Variants in COL14A1 observed in about 807,000 individuals in gnomAD.
COL14A1 encodes the protein collagen alpha-1(XIV) chain.
In COL14A1, 136 loss-of-function variants were observed where a neutral mutation model predicts 230.3. The observed-to-expected ratio is 0.59, with a 90% CI of 0.51 to 0.68. The LOEUF (loss-of-function observed/expected upper bound fraction) is 0.68. Ranked by LOEUF, COL14A1 falls within the 30% of genes least tolerant of loss-of-function variation. The pLI is 0.00. For missense variants in COL14A1, 1,976 were observed against 2,215.8 expected, an observed-to-expected ratio of 0.89 and a Z score of 2.17; for synonymous variants, 792 against 784.1, an observed-to-expected ratio of 1.01 and a Z score of -0.17.
intron 1 of COL14A1, among the ~76,000 whole-genome samples, chr8:120,141,781 TTTGA>T (rs1274685046): frequency 6.6e-6 from 1 of 152,208 alleles, no homozygotes; most frequent in South Asian, 2.1e-4. Context: ...AGAAAGGCTA[TTTGA>T]TTGTGGCCTT....
In COL14A1 at chr8:120,255,292, G is replaced by A. The variant is rs772488148; in HGVS notation, c.2805G>A (p.Leu935=). The A allele has an allele frequency of 1.2e-6, 2 of 1,614,170 alleles. No homozygotes were observed. Residue 935 remains leucine (L), a synonymous_variant, in exon 23 of 48, where the codon TTG becomes TTA. Transcript: ENST00000297848. ...CCAAACATGTTGAAATGACCAGCTTGTGTGCCCACTGGCAGGTACATCGCC... is the reference window on the plus strand; with the variant it reads ...CCAAACATGTTGAAATGACCAGCTTATGTGCCCACTGGCAGGTACATCGCC... ...LQAKHVEMTS[L]CAHWQVHRHA...
At chr8:120,137,436 A>G (rs1166345052) in intron 1 of COL14A1, among the ~76,000 whole-genome samples, 1 of 151,958 alleles carries the variant, frequency 6.6e-6, no homozygotes, top group Non-Finnish European at 1.5e-5. Flanking sequence ...AATTTCTACT[A>G]ATGTTTTCTA....
chr8:120,226,046 G>A (rs1268810954), intron 15 of COL14A1, among the ~76,000 whole-genome samples: 1 of 150,598 alleles, frequency 6.6e-6, no homozygotes, highest in Non-Finnish European at 1.5e-5. Context: ...TCAATTCTTT[G>A]ATAATTTATT....
At chr8:120,165,979 C>A (rs1190213883) in intron 4 of COL14A1, among the ~76,000 whole-genome samples, 1 of 152,066 alleles carries the variant, frequency 6.6e-6, no homozygotes, top group African/African-American at 2.4e-5. Context: ...GCATGAGTTC[C>A]AGGAGGTCAC....
intron 1 of COL14A1, among the ~76,000 whole-genome samples, chr8:120,135,041 G>T (rs1488503856): frequency 2.0e-5 from 3 of 152,140 alleles, no homozygotes; most frequent in Non-Finnish European, 2.9e-5. Flanking sequence ...CCAAGGATAT[G>T]CTAGAGAGTT....
At chr8:120,332,024 G>A in intron 40 of COL14A1, 117 bp from the exon 41 acceptor site, 3 of 830,026 alleles carry the variant, frequency 3.6e-6, no homozygotes, top group Non-Finnish European at 6.1e-6. Context: ...TGAATCCTTG[G>A]TAGTCCAGAG....
intron 37 of COL14A1, among the ~76,000 whole-genome samples, chr8:120,311,676 G>A (rs910784935): frequency 1.3e-5 from 2 of 152,152 alleles, no homozygotes; most frequent in African/African-American, 4.8e-5. Flanking sequence ...TACAGAATAA[G>A]AATTTGGAAG....
chr8:120,231,884 C>A (rs948783406), intron 19 of COL14A1: 34 of 339,286 alleles, frequency 1.0e-4, no homozygotes, highest in South Asian at 9.7e-4. Context: ...CTGCCTTGCA[C>A]CTGTTCGAGC....
chr8:120,152,868 G>T (rs1815336198), intron 2 of COL14A1, among the ~76,000 whole-genome samples: 1 of 152,116 alleles, frequency 6.6e-6, no homozygotes, highest in African/African-American at 2.4e-5. Flanking sequence ...TAAAAACCTC[G>T]ACGCATAGAA....
chr8:120,195,258 G>C (rs1265095600), intron 5 of COL14A1, among the ~76,000 whole-genome samples: 3 of 151,786 alleles, frequency 2.0e-5, no homozygotes, highest in Non-Finnish European at 2.9e-5. Context: ...TTTTTTTTAA[G>C]TAAAAGCATA....
At chr8:120,150,085 T>C (rs991668544) in intron 2 of COL14A1, among the ~76,000 whole-genome samples, 2 of 152,222 alleles carry the variant, frequency 1.3e-5, no homozygotes, top group Non-Finnish European at 2.9e-5. Flanking sequence ...TATTTATTTA[T>C]TTTTTGCCTT....
At chr8:120,160,517 G>T (rs865991468) in intron 3 of COL14A1, among the ~76,000 whole-genome samples, 1 of 152,146 alleles carries the variant, frequency 6.6e-6, no homozygotes, top group Non-Finnish European at 1.5e-5. Flanking sequence ...CACCCAAGAA[G>T]TAGATGTCTA....
intron 24 of COL14A1, 106 bp from the exon 25 acceptor site, chr8:120,266,721 G>A (rs1237972376): frequency 7.8e-6 from 7 of 894,442 alleles, no homozygotes; most frequent in Non-Finnish European, 1.2e-5. Flanking sequence ...AGAGAAGACA[G>A]TTGTCAAAAT....
intron 31 of COL14A1, among the ~76,000 whole-genome samples, chr8:120,281,798 G>T (rs1053227254): frequency 2.0e-5 from 3 of 152,128 alleles, no homozygotes; most frequent in African/African-American, 7.2e-5. Flanking sequence ...AAGCTCCAGT[G>T]CTCAGATCCT....
chr8:120,225,291 C>A, intron 15 of COL14A1, 77 bp downstream of exon 15: 1 of 1,266,918 alleles, frequency 7.9e-7, no homozygotes, highest in Non-Finnish European at 1.1e-6. Flanking sequence ...GGAGCACCTT[C>A]TTTATTTGTG....
chr8:120,291,159 A>G (rs561147606), intron 34 of COL14A1, among the ~76,000 whole-genome samples: 18 of 152,300 alleles, frequency 1.2e-4, no homozygotes, highest in African/African-American at 2.9e-4. Context: ...ATGATAGTAC[A>G]TGAAGGAATT....
At chr8:120,277,956 T>C in intron 26 of COL14A1, 155 bp from the exon 27 acceptor site, 1 of 616,230 alleles carries the variant, frequency 1.6e-6, no homozygotes, top group Non-Finnish European at 2.6e-6. Flanking sequence ...TGTCTTCAAA[T>C]TTGGTATGTA....
chr8:120,326,493 A>T (rs1821674186), intron 40 of COL14A1, among the ~76,000 whole-genome samples: 1 of 152,236 alleles, frequency 6.6e-6, no homozygotes, highest in African/African-American at 2.4e-5. Flanking sequence ...TTGCAAATAA[A>T]AAATCTTTCA....
intron 1 of COL14A1, among the ~76,000 whole-genome samples, chr8:120,144,205 T>C (rs1182312723): frequency 6.6e-6 from 1 of 152,058 alleles, no homozygotes; most frequent in Non-Finnish European, 1.5e-5. Context: ...TGTTCAAGAA[T>C]ATAAAAAAAC....
Sources: allele counts gnomAD v4.1 joint callset (sites outside exome capture counted in the v4.1 genomes callset), GRCh38; gene constraint gnomAD v4.1.1; transcripts MANE v1.5; gene names NCBI Gene and HGNC (gene_info 2026-07-23, HGNC 2026-07-21).